Variants in LRRTM3 observed in about 807,000 individuals in gnomAD.
LRRTM3 encodes the protein leucine rich repeat transmembrane neuronal 3, also known as leucine-rich repeat transmembrane neuronal protein 3.
Under a neutral mutation model 44.7 loss-of-function variants are expected in LRRTM3, and 24 were observed. The ratio of observed to expected loss-of-function variants is 0.54; its 90% CI spans 0.39 to 0.76. The LOEUF is 0.76. Ranked by LOEUF, LRRTM3 falls within the 30% of genes least tolerant of loss-of-function variation. The pLI is 0.00. For synonymous variants in LRRTM3, 277 were observed against 278.7 expected, an observed-to-expected ratio of 0.99 and a Z score of 0.06; for missense variants, 587 against 702.2, an observed-to-expected ratio of 0.84 and a Z score of 1.85.
intron 2 of LRRTM3, among the ~76,000 whole-genome samples, chr10:66,964,994 G>A (rs1668341386): frequency 6.6e-6 from 1 of 152,214 alleles, no homozygotes; most frequent in African/African-American, 2.4e-5. Context: ...GATGAATTCT[G>A]CAATAAGATT....
chr10:66,987,840 T>G lies in LRRTM3; in HGVS notation c.1536+59388T>G, dbSNP rs932868949. The stretch of plus-strand genomic sequence containing the variant: ...TGATCCAGATTTAAGATTTAATCAG[T>G]GGCTTTACAATTTAAGTTAGTTTAC... On this transcript the variant is annotated intron_variant, in intron 2 of 2. Coordinates refer to ENST00000361320, the MANE Select transcript of LRRTM3 (RefSeq NM_178011.5). Among the ~76,000 whole-genome samples the G allele has an allele frequency of 2.0e-5, 3 of 152,336 alleles. No individual in the cohort carries two copies. The East Asian group carries it at 5.8e-4, about 29-fold the overall frequency.
At chr10:66,964,264 T>C (rs1170976311) in intron 2 of LRRTM3, among the ~76,000 whole-genome samples, 2 of 151,742 alleles carry the variant, frequency 1.3e-5, no homozygotes, top group African/African-American at 2.4e-5. Context: ...GGATTCTACA[T>C]TGAAGAGCAG....
At chr10:67,092,826 C>A (rs1214682673) in intron 2 of LRRTM3, among the ~76,000 whole-genome samples, 1 of 151,900 alleles carries the variant, frequency 6.6e-6, no homozygotes, top group Admixed American at 6.6e-5. Flanking sequence ...ACTGCTAGGG[C>A]AAATATCATT....
intron 2 of LRRTM3, among the ~76,000 whole-genome samples, chr10:66,976,835 G>A (rs547642263): frequency 2.1e-4 from 32 of 152,156 alleles, no homozygotes; most frequent in Admixed American, 2.1e-3. Flanking sequence ...GGCCTCTTAG[G>A]AGATACCCAC....
chr10:67,000,676 T>C (rs1658037666), intron 2 of LRRTM3, among the ~76,000 whole-genome samples: 1 of 152,132 alleles, frequency 6.6e-6, no homozygotes, highest in South Asian at 2.1e-4. Flanking sequence ...TAAACTGAAT[T>C]AGATATATGA....
Position 66,981,845 on chromosome 10 carries a change from T to C in LRRTM3, c.1536+53393T>C, listed in dbSNP as rs80053286. 1.3e-4 allele frequency among the ~76,000 whole-genome samples: 20 copies of C among 152,330 alleles called. No individual in the cohort carries two copies. The East Asian group carries it at 3.7e-3, about 28-fold the overall frequency. ...CATCGAGCACATTGCATCATCTTCC[T>C]GCTGCTGCAGTGTTCTATAATTTTC... On this transcript the variant is annotated intron_variant, in intron 2 of 2. Coordinates refer to ENST00000361320, the MANE Select transcript of LRRTM3 (RefSeq NM_178011.5).
intron 2 of LRRTM3, among the ~76,000 whole-genome samples, chr10:67,035,338 G>A (rs1045621271): frequency 2.0e-5 from 3 of 152,132 alleles, no homozygotes; most frequent in African/African-American, 7.2e-5. Context: ...AAAATATAAT[G>A]TTGAGAATGA....
chr10:66,997,243 G>C (rs1426861216), intron 2 of LRRTM3, among the ~76,000 whole-genome samples: 1 of 152,040 alleles, frequency 6.6e-6, no homozygotes, highest in East Asian at 1.9e-4. Context: ...CCTATTCATA[G>C]GCAGAGGTCT....
chr10:67,093,727 A>G (rs1857804336), intron 2 of LRRTM3, among the ~76,000 whole-genome samples: 1 of 152,014 alleles, frequency 6.6e-6, no homozygotes, highest in Non-Finnish European at 1.5e-5. Flanking sequence ...TGCATCAGGT[A>G]TTTACCCTGG....
chr10:66,948,846 T>C (rs539430594), intron 2 of LRRTM3, among the ~76,000 whole-genome samples: 2 of 152,214 alleles, frequency 1.3e-5, no homozygotes, highest in Non-Finnish European at 2.9e-5. Context: ...TCCAATATAA[T>C]ACTTCAGTGA....
At chr10:66,933,632 T>G (rs902157662) in intron 2 of LRRTM3, among the ~76,000 whole-genome samples, 7 of 152,266 alleles carry the variant, frequency 4.6e-5, no homozygotes, top group African/African-American at 1.7e-4. Context: ...CCCTGGCCAC[T>G]CCAGTGGAAG....
At chr10:66,958,326 AAAAAAAAAT>A (rs1564794709) in intron 2 of LRRTM3, among the ~76,000 whole-genome samples, 3 of 141,890 alleles carry the variant, frequency 2.1e-5, no homozygotes, top group African/African-American at 5.2e-5. Context: ...AAAAAAAAAA[AAAAAAAAAT>A]GCCTGTGCCT....
chr10:67,075,608 A>T (rs920294461), intron 2 of LRRTM3, among the ~76,000 whole-genome samples: 1 of 152,238 alleles, frequency 6.6e-6, no homozygotes, highest in Non-Finnish European at 1.5e-5. Context: ...CAGTCTAGGA[A>T]ATCAGATGGG....
intron 2 of LRRTM3, among the ~76,000 whole-genome samples, chr10:67,014,594 G>T (rs375055111): frequency 1.3e-5 from 2 of 152,026 alleles, no homozygotes; most frequent in South Asian, 2.1e-4. Flanking sequence ...ATTTGCCAAA[G>T]ACTTTCTTTA....
Position 67,099,040 on chromosome 10 carries a change from A to G in LRRTM3, c.*1244A>G, listed in dbSNP as rs1197115217. On this transcript the variant is annotated 3_prime_UTR_variant, in exon 3 of 3. Transcript: ENST00000361320. ...GATATGAGCCATGGTGGAGAACTTT[A>G]TCACTCAAGTAGACGGTAAACATCC... 6.6e-6 allele frequency: 1 copy of G among 151,876 alleles called. No individual in the cohort carries two copies. The highest frequency in any genetic ancestry group is 2.4e-5 in the African/African-American group (1 of 41,410). The allele number at this position is 151,876 out of a possible 1,614,324, so 9.4% of individuals were successfully genotyped here.
chr10:67,019,969 C>T (rs901902962), intron 2 of LRRTM3, among the ~76,000 whole-genome samples: 1 of 151,512 alleles, frequency 6.6e-6, no homozygotes, highest in East Asian at 2.0e-4. Flanking sequence ...CTTTAAATAC[C>T]TCACCTGTGA....
chr10:66,990,415 C>A (rs540244593), intron 2 of LRRTM3, among the ~76,000 whole-genome samples: 60 of 152,224 alleles, frequency 3.9e-4, no homozygotes, highest in Non-Finnish European at 6.8e-4. Context: ...TTCAACCCAC[C>A]CATTATTGAA....
intron 2 of LRRTM3, among the ~76,000 whole-genome samples, chr10:66,999,092 T>C (rs2140374): frequency 0.52 from 79,260 of 151,848 alleles, 21,319 homozygotes; most frequent in Middle Eastern, 0.74. Context: ...ATTGGAACAC[T>C]ATAGAAACAC....
At chr10:66,999,164 T>C (rs899134539) in intron 2 of LRRTM3, among the ~76,000 whole-genome samples, 11 of 152,144 alleles carry the variant, frequency 7.2e-5, no homozygotes, top group South Asian at 2.1e-4. Flanking sequence ...CATTTTCAAT[T>C]GATGGTTTGC....
Sources: gnomAD v4.1 joint callset for allele counts (sites outside exome capture counted in the v4.1 genomes callset) on GRCh38, gnomAD v4.1.1 for gene constraint, MANE v1.5 for transcripts, NCBI Gene and HGNC (gene_info 2026-07-23, HGNC 2026-07-21) for gene names.